The following STAT2 variants were observed in gnomAD, a reference collection of about 807,000 sequenced individuals.
STAT2 encodes interferon alpha induced transcriptional activator.
In STAT2, 51 loss-of-function variants were observed where a neutral mutation model predicts 122.3. The observed-to-expected ratio is 0.42, with a 90% CI of 0.33 to 0.53. The LOEUF is 0.53. STAT2 is among the 20% of genes least tolerant of loss of function. STAT2 has a pLI of 0.10. For synonymous variants in STAT2, 351 were observed against 394.9 expected (o/e 0.89, Z 1.32); for missense variants, 736 against 1,010.3 (o/e 0.73, Z 3.68).
intron 12 of STAT2, 62 bp downstream of exon 12, chr12:56,350,350 G>A (rs1878259043): frequency 1.3e-6 from 2 of 1,538,484 alleles, no homozygotes; most frequent in Non-Finnish European, 1.8e-6. Context: ...CAGGGCTGCC[G>A]AATGTGGTTC....
intron 13 of STAT2, 23 bp from the exon 14 acceptor site, chr12:56,349,659 G>T (rs772958117): frequency 1.9e-5 from 31 of 1,614,034 alleles, no homozygotes; most frequent in Non-Finnish European, 2.5e-5. Context: ...GGGAAGGAGA[G>T]AAAATGCCAG....
At chr12:56,350,383 TG>T (rs961363200) in intron 12 of STAT2, 28 bp downstream of exon 12, 1 of 1,599,378 alleles carries the variant, frequency 6.3e-7, no homozygotes, top group Non-Finnish European at 8.5e-7. Context: ...ACTGTACAGA[TG>T]TTTGCAGTGT....
chr12:56,351,188 G>A lies in STAT2; in HGVS notation c.944C>T (p.Ala315Val). ...GCAGGGCTGGGTTTCTACCACAAAGGCTCTGAGGAGAGAGAGGTGTGGAGA... is the reference window on the plus strand; with the variant it reads ...GCAGGGCTGGGTTTCTACCACAAAGACTCTGAGGAGAGAGAGGTGTGGAGA... ...TELLQRLLHRAFVVETQPCMP... is the reference protein window; with the variant it reads ...TELLQRLLHRVFVVETQPCMP... The change falls in exon 10 of 24, where the codon GCC becomes GTC. Residue 315 changes from alanine (A) to valine (V), a missense_variant and splice_region_variant. Coordinates refer to ENST00000314128, the MANE Select transcript of STAT2 (RefSeq NM_005419.4). The A allele has an allele frequency of 1.2e-6, 2 of 1,613,656 alleles. No homozygotes were observed. Among genetic ancestry groups the A allele is most frequent in the Non-Finnish European group, 1.7e-6 (2 of 1,179,694 alleles).
Position 56,346,960 on chromosome 12 carries a change from A to G in STAT2, c.1725-5T>C, listed in dbSNP as rs1164181466. On this transcript the variant is annotated splice_region_variant and splice_polypyrimidine_tract_variant and intron_variant, in intron 19 of 23. Transcript: ENST00000314128. Reference sequence around the variant, plus strand: ...CTCACAAAGCCCATGATGCGTCTGGAGCACAGAGAGCAGCTGTGAGACACC... The same window carrying G: ...CTCACAAAGCCCATGATGCGTCTGGGGCACAGAGAGCAGCTGTGAGACACC... The G allele has an allele frequency of 6.2e-7, 1 of 1,614,042 alleles. No individual in the cohort carries two copies. Among genetic ancestry groups the G allele is most frequent in the South Asian group, 1.1e-5 (1 of 91,084 alleles).
intron 12 of STAT2, 33 bp downstream of exon 12, chr12:56,350,379 C>G: frequency 6.3e-7 from 1 of 1,593,634 alleles, no homozygotes; most frequent in South Asian, 1.1e-5. Context: ...ATACACTGTA[C>G]AGATGTTTGC....
chr12:56,356,503 C>G lies in STAT2; in HGVS notation c.69G>C (p.Ser23=), dbSNP rs768335426. Residue 23 remains serine (S), a synonymous_variant, in exon 2 of 24, where the codon TCG becomes TCC. Coordinates refer to ENST00000314128, the MANE Select transcript of STAT2 (RefSeq NM_005419.4). ...GAATGTCCACAGGCAGGAGGCTGTG[C>G]GAGTAAAGCTGGTGCAGCTGATCCT... The part of the protein sequence containing the change: ...PFQDQLHQLY[S]HSLLPVDIRQ... The G allele has an allele frequency of 6.2e-7, 1 of 1,614,040 alleles. No individual in the cohort carries two copies. Among genetic ancestry groups the G allele is most frequent in the African/African-American group, 1.3e-5 (1 of 74,908 alleles).
At chr12:56,343,664 G>A in intron 23 of STAT2, 133 bp from the exon 24 acceptor site, 1 of 1,517,260 alleles carries the variant, frequency 6.6e-7, no homozygotes, top group Non-Finnish European at 8.9e-7. Flanking sequence ...GAAAGAGCAG[G>A]GAGGTGGGGG....
At chr12:56,351,050 G>C (rs149855546) in intron 10 of STAT2, 48 bp downstream of exon 10, 1 of 1,600,632 alleles carries the variant, frequency 6.2e-7, no homozygotes, top group South Asian at 1.1e-5. Context: ...AAAATACACA[G>C]TGGCAGGGTT....
intron 20 of STAT2, 25 bp from the exon 21 acceptor site, chr12:56,346,649 C>G (rs577335722): frequency 6.2e-7 from 1 of 1,612,626 alleles, no homozygotes; most frequent in South Asian, 1.1e-5. Flanking sequence ...CAGGAACAGG[C>G]GGGCTTGAGG....
At chr12:56,356,111 A>C in intron 3 of STAT2, 21 bp downstream of exon 3, 1 of 1,609,910 alleles carries the variant, frequency 6.2e-7, no homozygotes, top group South Asian at 1.1e-5. Context: ...CTACCCCATC[A>C]CTCCCAACCG....
rs1876621586 is a variant in STAT2, at chr12:56,341,747, A to G, written c.*1642T>C. ...AAGCTACATCAGGAGAACATCTTGG[A>G]GCAATGTCAGTTGCCCCCTGGGGTT... is the stretch of plus-strand genomic sequence containing the variant. On this transcript the variant is annotated 3_prime_UTR_variant, in exon 24 of 24. Transcript: ENST00000314128. The G allele has an allele frequency of 6.6e-6, 1 of 152,192 alleles. No homozygotes were observed. Among genetic ancestry groups the G allele is most frequent in the Admixed American group, 6.5e-5 (1 of 15,274 alleles). The allele number at this position is 152,192 out of a possible 1,614,324, so 9.4% of individuals were successfully genotyped here. A position where few individuals can be genotyped will look rare whatever the true frequency, so the allele number is the denominator to read the frequency against.
chr12:56,359,972 AC>A (rs1242653217), intron 1 of STAT2, 85 bp downstream of exon 1: 6 of 876,216 alleles, frequency 6.8e-6, no homozygotes, highest in Non-Finnish European at 8.2e-6. Context: ...CCAGGGGGTA[AC>A]CCCTGGGGCC....
At chr12:56,356,058 T>C in intron 3 of STAT2, 74 bp downstream of exon 3, 2 of 1,559,226 alleles carry the variant, frequency 1.3e-6, no homozygotes, top group Non-Finnish European at 1.7e-6. Flanking sequence ...CCAGGTACTA[T>C]TCTATTCTCC....
At chr12:56,357,338 A>C (rs966596076) in intron 1 of STAT2, among the ~76,000 whole-genome samples, 12 of 151,234 alleles carry the variant, frequency 7.9e-5, no homozygotes, top group African/African-American at 2.9e-4. Context: ...CTGTGGTCCC[A>C]ACCTGTATTT....
intron 3 of STAT2, 114 bp from the exon 4 acceptor site, chr12:56,355,917 C>A: frequency 7.7e-7 from 1 of 1,300,524 alleles, no homozygotes; most frequent in Non-Finnish European, 1.1e-6. Flanking sequence ...GGGTTCTTAG[C>A]CCTTTGTCTT....
At chr12:56,348,353 C>T (rs908180808) in intron 19 of STAT2, among the ~76,000 whole-genome samples, 176 bp downstream of exon 19, 7 of 152,084 alleles carry the variant, frequency 4.6e-5, no homozygotes, top group Admixed American at 2.0e-4. Context: ...TCCCAAAGTG[C>T]TGGGATTACA....
rs147782754 is a variant in STAT2, at chr12:56,351,147, G to A, written c.985C>T (p.His329Tyr). The A allele has an allele frequency of 6.2e-7, 1 of 1,614,002 alleles. No homozygotes were observed. The highest frequency in any genetic ancestry group is 8.5e-7 in the Non-Finnish European group (1 of 1,180,014). ...CCAGTCTTGAGGATGAGGGGTCGATGGGGAGTTTGGGGCATGCAGGGCTGG... is the reference window on the plus strand; with the variant it reads ...CCAGTCTTGAGGATGAGGGGTCGATAGGGAGTTTGGGGCATGCAGGGCTGG... Reference protein sequence around the residue: ...ETQPCMPQTPHRPLILKTGSK... With the variant: ...ETQPCMPQTPYRPLILKTGSK... The change falls in exon 10 of 24, where the codon CAT becomes TAT. Residue 329 changes from histidine (H) to tyrosine (Y), a missense_variant. Physicochemically the swap from His to Tyr is moderately conservative, Grantham distance 83. Coordinates refer to ENST00000314128, the MANE Select transcript of STAT2 (RefSeq NM_005419.4).
chr12:56,348,159 C>T (rs1220649664), intron 19 of STAT2, among the ~76,000 whole-genome samples: 1 of 148,348 alleles, frequency 6.7e-6, no homozygotes, highest in African/African-American at 2.5e-5. Flanking sequence ...GCAATCTCGG[C>T]TCACTGCAAG....
chr12:56,346,920 C>T lies in STAT2; in HGVS notation c.1760G>A (p.Arg587His), dbSNP rs571762549. ...AGACATGGTCTTCTTCAGCAGCCGGCGCTCCTGGCTCCGACTCACAAAGCC... is the reference window on the plus strand; with the variant it reads ...AGACATGGTCTTCTTCAGCAGCCGGTGCTCCTGGCTCCGACTCACAAAGCC... ...IMGFVSRSQE[R>H]RLLKKTMSGT... Residue 587 changes from arginine (R) to histidine (H), a missense_variant, in exon 20 of 24, where the codon CGC (arginine) becomes CAC (histidine). By Grantham distance (29) the Arg-to-His change is conservative. Transcript: ENST00000314128. 1.9e-5 allele frequency: 31 copies of T among 1,614,048 alleles called. No homozygotes were observed. Among genetic ancestry groups the T allele is most frequent in the Non-Finnish European group, 2.5e-5 (29 of 1,180,032 alleles).
Sources: gnomAD v4.1 joint callset for allele counts (sites outside exome capture counted in the v4.1 genomes callset) on GRCh38, gnomAD v4.1.1 for gene constraint, MANE v1.5 for transcripts, NCBI Gene and HGNC (gene_info 2026-07-23, HGNC 2026-07-21) for gene names.